The following TOX3 variants were observed in gnomAD, a reference collection of about 807,000 sequenced individuals.
TOX3 encodes TOX high mobility group box family member 3, also known as CAG trinucleotide repeat-containing gene F9 protein.
Under a neutral mutation model 64.3 loss-of-function variants are expected in TOX3, and 22 were observed. The observed-to-expected ratio is 0.34, with a 90% CI of 0.24 to 0.49. The LOEUF is 0.49. TOX3 is among the 20% of genes least tolerant of loss of function. The pLI is 0.99. For missense variants in TOX3, 661 were observed against 714.4 expected, an observed-to-expected ratio of 0.93 and a Z score of 0.85; for synonymous variants, 291 against 273.6, an observed-to-expected ratio of 1.06 and a Z score of -0.63.
intron 1 of TOX3, among the ~76,000 whole-genome samples, chr16:52,541,698 TAC>T (rs1181861876): frequency 1.3e-5 from 2 of 152,240 alleles, no homozygotes; most frequent in African/African-American, 4.8e-5. Context: ...TGTGACCACC[TAC>T]ATGCATTGAC....
At chr16:52,457,291 T>C (rs1221945542) in intron 3 of TOX3, among the ~76,000 whole-genome samples, 1 of 152,210 alleles carries the variant, frequency 6.6e-6, no homozygotes, top group Non-Finnish European at 1.5e-5. Context: ...TATTATTCTA[T>C]ATTATGTGTT....
At chr16:52,508,680 G>A (rs1962224007) in intron 1 of TOX3, among the ~76,000 whole-genome samples, 1 of 152,050 alleles carries the variant, frequency 6.6e-6, no homozygotes, top group African/African-American at 2.4e-5. Flanking sequence ...GTAAAATTCA[G>A]GAAAGTGACT....
At chr16:52,506,315 A>G (rs1962161509) in intron 1 of TOX3, among the ~76,000 whole-genome samples, 1 of 152,202 alleles carries the variant, frequency 6.6e-6, no homozygotes. Context: ...AAAAAGGAGC[A>G]TTTTCCCCCA....
At chr16:52,500,003 C>A (rs957744474) in intron 1 of TOX3, among the ~76,000 whole-genome samples, 6 of 152,190 alleles carry the variant, frequency 3.9e-5, no homozygotes, top group Non-Finnish European at 1.5e-5. Flanking sequence ...TGCTTCTGAT[C>A]CAATGTAACA....
In TOX3 at chr16:52,439,158, C is replaced by G; in HGVS notation, c.*67G>C. The G allele has an allele frequency of 6.2e-7, 1 of 1,604,350 alleles. No individual in the cohort carries two copies. The highest frequency in any genetic ancestry group is 8.5e-7 in the Non-Finnish European group (1 of 1,175,200). On this transcript the variant is annotated 3_prime_UTR_variant, in exon 7 of 7. Coordinates refer to ENST00000219746, the MANE Select transcript of TOX3 (RefSeq NM_001080430.4). ...ACCAACACCAACTTACAGGTTTCAG[C>G]CACATATGCTTTTCCCTCCTATGCC...
At chr16:52,477,237 C>T (rs1286628121) in intron 1 of TOX3, among the ~76,000 whole-genome samples, 1 of 152,054 alleles carries the variant, frequency 6.6e-6, no homozygotes, top group African/African-American at 2.4e-5. Context: ...AATTTGGCTA[C>T]AGAAGAAAAG....
At chr16:52,460,878 G>A (rs189603470) in intron 3 of TOX3, among the ~76,000 whole-genome samples, 1 of 152,248 alleles carries the variant, frequency 6.6e-6, no homozygotes, top group Admixed American at 6.5e-5. Flanking sequence ...TTCATTTCAG[G>A]CACTGCCTGA....
chr16:52,466,716 C>T (rs955584636), intron 2 of TOX3, among the ~76,000 whole-genome samples: 2 of 151,830 alleles, frequency 1.3e-5, no homozygotes, highest in Non-Finnish European at 2.9e-5. Context: ...ATTTTTTTAA[C>T]GACAAATTAA....
At chr16:52,489,780 C>G (rs143287556) in intron 1 of TOX3, among the ~76,000 whole-genome samples, 10 of 152,264 alleles carry the variant, frequency 6.6e-5, no homozygotes, top group Admixed American at 6.5e-5. Flanking sequence ...GATATGCTCC[C>G]ACCCAGAAAT....
chr16:52,440,006 A>G (rs776711120), intron 6 of TOX3, 38 bp from the exon 7 acceptor site: 54 of 1,454,824 alleles, frequency 3.7e-5, no homozygotes, highest in Non-Finnish European at 4.7e-5. Context: ...CTGTTACAAC[A>G]CATAAGTATT....
rs1243451876 is a variant in TOX3 at position 52,438,842 on chromosome 16, A to G, written c.*383T>C. On this transcript the variant is annotated 3_prime_UTR_variant, in exon 7 of 7. Transcript: ENST00000219746. ...GGCTTCAGGAGTTCAGATAGCCTGG[A>G]AGTGTGGTTTACTCACTTCTGGAGA... The G allele has an allele frequency of 2.1e-6, 1 of 478,978 alleles. No homozygotes were observed. The highest frequency in any genetic ancestry group is 5.6e-5 in the East Asian group (1 of 17,970). 29.7% of individuals were successfully genotyped at this position (478,978 alleles called of 1,614,324 possible).
At chr16:52,527,582 A>C (rs1369939802) in intron 1 of TOX3, among the ~76,000 whole-genome samples, 2 of 152,186 alleles carry the variant, frequency 1.3e-5, no homozygotes, top group East Asian at 3.9e-4. Flanking sequence ...GAAAAAGAAA[A>C]CATCTGCAAG....
intron 1 of TOX3, among the ~76,000 whole-genome samples, chr16:52,477,860 CAG>C (rs1961259433): frequency 1.3e-5 from 2 of 152,098 alleles, no homozygotes; most frequent in Admixed American, 1.3e-4. Context: ...TTTTAAGAGA[CAG>C]AGTCTTGCTC....
At chr16:52,540,337 G>A (rs758947157) in intron 1 of TOX3, among the ~76,000 whole-genome samples, 1 of 150,254 alleles carries the variant, frequency 6.7e-6, no homozygotes, top group Non-Finnish European at 1.5e-5. Flanking sequence ...CTGGGAAATT[G>A]AGACTACAAT....
At chr16:52,528,408 G>A (rs1252526831) in intron 1 of TOX3, among the ~76,000 whole-genome samples, 2 of 148,396 alleles carry the variant, frequency 1.3e-5, no homozygotes, top group Non-Finnish European at 3.0e-5. Flanking sequence ...GACTTGATCT[G>A]TTTTTTTTTT....
chr16:52,446,069 G>A lies in TOX3; in HGVS notation c.831C>T (p.Asn277=), dbSNP rs1178263076. ...AGACCTCTCCAAAGGTTGCATTGGG[G>A]TTTTGACCTTTAATTGCAGCCTGTG... ...RDTQAAIKGQ[N]PNATFGEVSK... The change falls in exon 5 of 7, where the codon AAC becomes AAT. Residue 277 remains asparagine, a synonymous_variant. Coordinates refer to ENST00000219746, the MANE Select transcript of TOX3 (RefSeq NM_001080430.4). 6 of 1,613,934 alleles carry A rather than the reference G, an allele frequency of 3.7e-6. No homozygotes were observed. Among genetic ancestry groups the A allele is most frequent in the Non-Finnish European group, 5.1e-6 (6 of 1,179,848 alleles).
At chr16:52,441,626 AC>A (rs1959992118) in intron 6 of TOX3, among the ~76,000 whole-genome samples, 1 of 152,118 alleles carries the variant, frequency 6.6e-6, no homozygotes, top group Admixed American at 6.5e-5. Flanking sequence ...TTGTAGGGGC[AC>A]CTAGGAGACA....
chr16:52,502,872 A>C (rs963586385), intron 1 of TOX3, among the ~76,000 whole-genome samples: 2 of 152,212 alleles, frequency 1.3e-5, no homozygotes, highest in African/African-American at 2.4e-5. Context: ...GGGGTCAAAA[A>C]ACTTTTTTCT....
chr16:52,531,034 T>C (rs1425436729), intron 1 of TOX3, among the ~76,000 whole-genome samples: 1 of 152,164 alleles, frequency 6.6e-6, no homozygotes, highest in Non-Finnish European at 1.5e-5. Context: ...GAATCTAGGA[T>C]TGAGACAAGA....
Sources: allele counts gnomAD v4.1 joint callset (sites outside exome capture counted in the v4.1 genomes callset), GRCh38; gene constraint gnomAD v4.1.1; transcripts MANE v1.5; gene names NCBI Gene and HGNC (gene_info 2026-07-23, HGNC 2026-07-21).